Variants in ANKRD28 observed in about 807,000 individuals in gnomAD.
The protein encoded by ANKRD28 is serine/threonine-protein phosphatase 6 regulatory ankyrin repeat subunit A.
A neutral mutation model predicts 126.5 loss-of-function variants in ANKRD28; 44 were observed. The observed-to-expected ratio is 0.35, with a 90% confidence interval of 0.27 to 0.45. The LOEUF is 0.45. Ranked by LOEUF, ANKRD28 falls within the 20% of genes least tolerant of loss-of-function variation. The pLI is 1.00. For missense variants in ANKRD28, 1,110 were observed against 1,316.6 expected (o/e 0.84, Z 2.43); for synonymous variants, 442 against 468.5 (o/e 0.94, Z 0.73).
At chr3:15,728,219 A>C (rs1443055823) in intron 6 of ANKRD28, among the ~76,000 whole-genome samples, 2 of 152,216 alleles carry the variant, frequency 1.3e-5, no homozygotes, top group Non-Finnish European at 2.9e-5. Flanking sequence ...AGAAAAAACA[A>C]AGACATGTAT....
intron 4 of ANKRD28, among the ~76,000 whole-genome samples, chr3:15,746,124 T>C (rs2057459426): frequency 6.6e-6 from 1 of 152,218 alleles, no homozygotes; most frequent in Non-Finnish European, 1.5e-5. Context: ...TCTTTAGGGT[T>C]TTCTAGGTAT....
upstream of ANKRD28, among the ~76,000 whole-genome samples, chr3:15,798,481 A>G (rs1378838778): frequency 6.6e-6 from 1 of 152,186 alleles, no homozygotes; most frequent in Non-Finnish European, 1.5e-5. Context: ...GAATTTAATC[A>G]ATCATTGATT....
chr3:15,813,532 A>G (rs1205945547), intron 1 of ANKRD28, among the ~76,000 whole-genome samples: 1 of 152,236 alleles, frequency 6.6e-6, no homozygotes, highest in East Asian at 1.9e-4. Context: ...AACAAAAAGT[A>G]CAGCATACTG....
intron 24 of ANKRD28, 62 bp downstream of exon 24, chr3:15,678,147 C>G: frequency 2.0e-6 from 3 of 1,468,022 alleles, no homozygotes; most frequent in Non-Finnish European, 2.7e-6. Flanking sequence ...GTCTTGGGAT[C>G]TAAGTTATAC....
chr3:15,711,711 G>C (rs547144220), intron 11 of ANKRD28, among the ~76,000 whole-genome samples: 135 of 151,628 alleles, frequency 8.9e-4, no homozygotes, highest in Non-Finnish European at 1.7e-3. Flanking sequence ...TTTTGAGACA[G>C]AGTCTCGCTC....
chr3:15,850,379 T>C (rs1012525241), intron 1 of ANKRD28, among the ~76,000 whole-genome samples: 3 of 151,610 alleles, frequency 2.0e-5, no homozygotes, highest in Non-Finnish European at 2.9e-5. Flanking sequence ...CAAATGACCA[T>C]AACAGATAAC....
chr3:15,689,945 A>G (rs2068594879), intron 18 of ANKRD28, 74 bp downstream of exon 18: 1 of 1,334,594 alleles, frequency 7.5e-7, no homozygotes, highest in Non-Finnish European at 1.0e-6. Flanking sequence ...TTAACTGGAA[A>G]TATTATATAT....
intron 6 of ANKRD28, among the ~76,000 whole-genome samples, chr3:15,729,180 G>T (rs2074400785): frequency 1.3e-5 from 2 of 152,190 alleles, no homozygotes; most frequent in South Asian, 4.1e-4. Context: ...CCATGTATCT[G>T]GAAGGTGAGA....
In ANKRD28 at chr3:15,855,157, C is replaced by T. The variant is rs145350282; in HGVS notation, c.27+4220G>A. Among the ~76,000 whole-genome samples, 515 of 152,162 alleles carry T rather than the reference C, an allele frequency of 3.4e-3. 3 individuals are homozygous for T. Among genetic ancestry groups the T allele is most frequent in the Non-Finnish European group, 6.3e-3 (425 of 67,974 alleles). ...TCAAGTATTTCATGCATTCTGTATCCCCTATTGTAAGATTTCCCAAGAACC... is the reference window on the plus strand; with the variant it reads ...TCAAGTATTTCATGCATTCTGTATCTCCTATTGTAAGATTTCCCAAGAACC... On this transcript the variant is annotated intron_variant, in intron 1 of 27. Coordinates refer to the ANKRD28 transcript ENST00000399451.
chr3:15,688,081 G>A (rs1016146019), intron 18 of ANKRD28, among the ~76,000 whole-genome samples: 2 of 152,142 alleles, frequency 1.3e-5, no homozygotes, highest in African/African-American at 2.4e-5. Flanking sequence ...TTGTGGGTAG[G>A]ATTTATGCTG....
intron 1 of ANKRD28, among the ~76,000 whole-genome samples, chr3:15,850,964 T>C (rs1046616308): frequency 2.0e-5 from 3 of 152,268 alleles, no homozygotes; most frequent in Middle Eastern, 3.4e-3. Context: ...AGGTAGACAG[T>C]GTCAGAACTA....
At chr3:15,857,872 CA>C (rs1242172950) in intron 1 of ANKRD28, among the ~76,000 whole-genome samples, 1 of 152,192 alleles carries the variant, frequency 6.6e-6, no homozygotes, top group African/African-American at 2.4e-5. Flanking sequence ...AAACATCGAT[CA>C]GTCATTACTT....
chr3:15,713,704 T>C (rs200359282), intron 9 of ANKRD28, 63 bp from the exon 10 acceptor site: 1 of 1,039,850 alleles, frequency 9.6e-7, no homozygotes, highest in Non-Finnish European at 1.4e-6. Flanking sequence ...ACGTACTACA[T>C]GAAAAGTAAT....
chr3:15,701,044 A>G (rs1261199444), intron 14 of ANKRD28, among the ~76,000 whole-genome samples: 1 of 152,212 alleles, frequency 6.6e-6, no homozygotes, highest in Non-Finnish European at 1.5e-5. Context: ...AAATTCTTTA[A>G]TCAAATACTC....
At position 15,749,095 on chromosome 3, in the gene ANKRD28, G is replaced by GTTT. The variant is rs1357402514; in HGVS notation, c.351+2652_351+2654dup. 4.2e-3 allele frequency among the ~76,000 whole-genome samples: 453 copies of GTTT among 106,942 alleles called. 90 individuals are homozygous for GTTT. Among genetic ancestry groups the GTTT allele is most frequent in the African/African-American group, 0.014 (339 of 23,684 alleles). 70.2% of individuals were successfully genotyped at this position (106,942 alleles called of 152,430 possible). On this transcript the variant is annotated intron_variant, in intron 4 of 27. Transcript: ENST00000683139. ...ATTTTCCTTTCATATTCTATATTAT[G>GTTT]TTTTTGTTTTTTTTTTTTTTTTTTT... is the stretch of plus-strand genomic sequence containing the variant.
intron 21 of ANKRD28, among the ~76,000 whole-genome samples, chr3:15,679,772 A>G (rs1474983144): frequency 6.6e-6 from 1 of 152,198 alleles, no homozygotes; most frequent in South Asian, 2.1e-4. Context: ...CGCACAAAAT[A>G]CATACAGTTG....
chr3:15,859,490 T>A, exon 1 of ANKRD28: 2 of 1,277,946 alleles, frequency 1.6e-6, no homozygotes, highest in Non-Finnish European at 2.1e-6. Context: ...CCCGCCCCAG[T>A]AGCCTTGGCC....
At chr3:15,727,045 T>C (rs1477572330) in intron 6 of ANKRD28, among the ~76,000 whole-genome samples, 1 of 152,220 alleles carries the variant, frequency 6.6e-6, no homozygotes, top group Non-Finnish European at 1.5e-5. Flanking sequence ...AAAATATTAC[T>C]GCTTATTCAC....
chr3:15,836,356 C>T (rs549363725), intron 1 of ANKRD28, among the ~76,000 whole-genome samples: 6 of 151,356 alleles, frequency 4.0e-5, no homozygotes, highest in South Asian at 2.1e-4. Context: ...ATGGAACAAA[C>T]GCTAAAAATA....
Sources: allele counts gnomAD v4.1 joint callset (sites outside exome capture counted in the v4.1 genomes callset), GRCh38; gene constraint gnomAD v4.1.1; transcripts MANE v1.5; gene names NCBI Gene and HGNC (gene_info 2026-07-23, HGNC 2026-07-21).